GFPT1: variants seen among roughly 807,000 people sequenced by gnomAD.
The protein encoded by GFPT1 is glutamine--fructose-6-phosphate aminotransferase [isomerizing] 1.
GFPT1 carries 40 observed loss-of-function variants against 92.0 expected under a neutral mutation model. The observed-to-expected ratio is 0.43, with a 90% confidence interval of 0.34 to 0.57. GFPT1 has a LOEUF of 0.57. GFPT1 is among the 20% of genes least tolerant of loss of function. The probability of loss-of-function intolerance (pLI) is 0.02; values close to 1 mark genes in which losing one functional copy is unlikely to be tolerated. For synonymous variants in GFPT1, 269 were observed against 280.6 expected (o/e 0.96, Z 0.41); for missense variants, 448 against 869.1 (o/e 0.52, Z 6.09).
At chr2:69,326,624 C>A (rs537529890) in intron 19 of GFPT1, among the ~76,000 whole-genome samples, 1 of 152,230 alleles carries the variant, frequency 6.6e-6, no homozygotes, top group Non-Finnish European at 1.5e-5. Context: ...ATTGTCCTGC[C>A]AAATGCCAAT....
rs766807221 is a variant in GFPT1, at chr2:69,345,977, C to A, written c.1032G>T (p.Gln344His). ...ACTCTGGCTGCTCAAATATTTCCTT[C>A]TGCATAAATGAACTGAAGTTGCCTA... ...IMKGNFSSFM[Q>H]KEIFEQPESV... Residue 344 changes from glutamine (Q) to histidine (H), a missense_variant, in exon 12 of 20, where the codon CAG becomes CAT. Transcript: ENST00000357308. 1 of 1,604,488 alleles carries A rather than the reference C, an allele frequency of 6.2e-7. No homozygotes were observed. Among genetic ancestry groups the A allele is most frequent in the African/African-American group, 1.3e-5 (1 of 74,730 alleles).
At chr2:69,371,257 T>TA (rs1194564696) in intron 2 of GFPT1, 3 of 149,620 alleles carry the variant, frequency 2.0e-5, no homozygotes, top group East Asian at 2.1e-4. Context: ...TTTTTTTTTT[T>TA]AAGTAGAGAT....
chr2:69,367,893 G>A (rs925404758), intron 3 of GFPT1, among the ~76,000 whole-genome samples: 14 of 152,204 alleles, frequency 9.2e-5, no homozygotes, highest in African/African-American at 3.4e-4. Flanking sequence ...ATATCTACAA[G>A]TTTCCATTTG....
rs1469195536 is a variant in GFPT1, at chr2:69,387,220, C to T, written c.-149G>A. ...GGGGATGCGACGGCCAAGGCAACGACAGCCTTCTCCGCCTCCCGGGCTCCG... is the reference window on the plus strand; with the variant it reads ...GGGGATGCGACGGCCAAGGCAACGATAGCCTTCTCCGCCTCCCGGGCTCCG... On this transcript the variant is annotated 5_prime_UTR_variant, in exon 1 of 20. Transcript: ENST00000357308. 2 of 815,822 alleles carry T rather than the reference C, an allele frequency of 2.5e-6. No individual in the cohort carries two copies. Among genetic ancestry groups the T allele is most frequent in the Admixed American group, 3.7e-5 (1 of 27,130 alleles). The allele number at this position is 815,822 out of a possible 1,614,324, so 50.5% of individuals were successfully genotyped here. A position where few individuals can be genotyped will look rare whatever the true frequency, so the allele number is the denominator to read the frequency against.
At chr2:69,384,708 A>G (rs573241302) in intron 1 of GFPT1, among the ~76,000 whole-genome samples, 25 of 151,060 alleles carry the variant, frequency 1.7e-4, no homozygotes, top group South Asian at 2.1e-4. Flanking sequence ...AAAAAAAAAA[A>G]AAAAGAAAAA....
chr2:69,369,824 T>C (rs1258721026), intron 3 of GFPT1, among the ~76,000 whole-genome samples, 177 bp downstream of exon 3: 1 of 152,178 alleles, frequency 6.6e-6, no homozygotes, highest in African/African-American at 2.4e-5. Flanking sequence ...CTCAGGTACA[T>C]TTTAAAACTA....
chr2:69,370,216 T>A, intron 2 of GFPT1, 108 bp from the exon 3 acceptor site: 1 of 741,358 alleles, frequency 1.3e-6, no homozygotes, highest in Non-Finnish European at 2.4e-6. Flanking sequence ...TCTAATTAAT[T>A]CACTAATGTA....
chr2:69,361,879 C>T (rs897550117), intron 4 of GFPT1, among the ~76,000 whole-genome samples: 1 of 152,084 alleles, frequency 6.6e-6, no homozygotes, highest in Non-Finnish European at 1.5e-5. Context: ...ACTCAGGAGG[C>T]TGAGGCAGGA....
intron 3 of GFPT1, among the ~76,000 whole-genome samples, chr2:69,368,600 C>T (rs984376260): frequency 3.9e-5 from 6 of 152,096 alleles, no homozygotes; most frequent in Non-Finnish European, 8.8e-5. Context: ...TGATGGCACA[C>T]GCCTGGTAAT....
At chr2:69,350,763 C>T (rs147032419) in intron 9 of GFPT1, among the ~76,000 whole-genome samples, 2 of 151,834 alleles carry the variant, frequency 1.3e-5, no homozygotes, top group Non-Finnish European at 2.9e-5. Context: ...ATTGGCCAGA[C>T]GTGGTGGCAG....
At chr2:69,353,481 C>A (rs1337827252) in intron 9 of GFPT1, among the ~76,000 whole-genome samples, 1 of 152,136 alleles carries the variant, frequency 6.6e-6, no homozygotes, top group Admixed American at 6.5e-5. Context: ...CTGAAGTGAG[C>A]CATGACGAAA....
At chr2:69,355,867 G>A (rs1055276079) in intron 7 of GFPT1, among the ~76,000 whole-genome samples, 1 of 149,594 alleles carries the variant, frequency 6.7e-6, no homozygotes, top group Non-Finnish European at 1.5e-5. Flanking sequence ...AAAAAATACA[G>A]AAAAAGCTAA....
chr2:69,319,852 A>G lies in GFPT1; in HGVS notation c.*6337T>C, dbSNP rs1670367470. ...TTCAAATTCAAAGTAAATATGCTTG[A>G]TATTTCAAAACAATTCTACATACAA... On this transcript the variant is annotated 3_prime_UTR_variant, in exon 20 of 20. Transcript: ENST00000357308. The G allele has an allele frequency of 1.3e-5, 2 of 152,362 alleles. No homozygotes were observed. Among genetic ancestry groups the G allele is most frequent in the African/African-American group, 4.8e-5 (2 of 41,588 alleles). The allele number at this position is 152,362 out of a possible 1,614,324, so 9.4% of individuals were successfully genotyped here.
intron 12 of GFPT1, among the ~76,000 whole-genome samples, chr2:69,344,674 A>C (rs925223872): frequency 6.6e-6 from 1 of 151,122 alleles, no homozygotes; most frequent in South Asian, 2.1e-4. Flanking sequence ...TTTTTGAGAC[A>C]GGTCTTTCAA....
At chr2:69,367,014 T>G (rs1194251216) in intron 3 of GFPT1, among the ~76,000 whole-genome samples, 1 of 152,238 alleles carries the variant, frequency 6.6e-6, no homozygotes, top group African/African-American at 2.4e-5. Flanking sequence ...CTTTACATAT[T>G]TTTTAAGATC....
At chr2:69,340,308 C>T (rs1670912901) in intron 13 of GFPT1, among the ~76,000 whole-genome samples, 1 of 151,946 alleles carries the variant, frequency 6.6e-6, no homozygotes, top group East Asian at 1.9e-4. Context: ...ACTATAGGCA[C>T]ACACCACTGC....
At chr2:69,372,898 G>T (rs1671785663) in intron 2 of GFPT1, among the ~76,000 whole-genome samples, 1 of 152,168 alleles carries the variant, frequency 6.6e-6, no homozygotes, top group Admixed American at 6.5e-5. Flanking sequence ...CTAGAAACTT[G>T]GTTTTTGGAA....
intron 13 of GFPT1, among the ~76,000 whole-genome samples, chr2:69,338,893 G>A (rs773971778): frequency 1.2e-4 from 18 of 147,364 alleles, no homozygotes; most frequent in Non-Finnish European, 2.1e-4. Flanking sequence ...TCCGCCTCCC[G>A]GGTTCAAGCA....
intron 7 of GFPT1, 131 bp from the exon 8 acceptor site, chr2:69,354,699 C>G: frequency 2.9e-6 from 2 of 688,336 alleles, no homozygotes; most frequent in Admixed American, 2.1e-5. Flanking sequence ...GATATAAGAA[C>G]TAGATAAAAA....
Sources: allele counts gnomAD v4.1 joint callset (sites outside exome capture counted in the v4.1 genomes callset), GRCh38; gene constraint gnomAD v4.1.1; transcripts MANE v1.5; gene names NCBI Gene and HGNC (gene_info 2026-07-23, HGNC 2026-07-21).